The following SENP2 variants were observed in gnomAD, a reference collection of about 807,000 sequenced individuals.
SENP2 encodes the protein sentrin-specific protease 2.
In SENP2, 16 loss-of-function variants were observed where a neutral mutation model predicts 86.3. That is an observed-to-expected ratio of 0.19 (90% CI 0.13 to 0.28). The LOEUF (loss-of-function observed/expected upper bound fraction) is 0.28, where lower values mean the gene tolerates loss of function less well. Ranked by LOEUF, SENP2 falls within the 10% of genes least tolerant of loss-of-function variation. The pLI, the probability that SENP2 is intolerant of heterozygous loss-of-function variation, is 1.00. For missense variants in SENP2, 552 were observed against 703.0 expected, an observed-to-expected ratio of 0.79 and a Z score of 2.43; for synonymous variants, 222 against 238.7, an observed-to-expected ratio of 0.93 and a Z score of 0.64.
At chr3:185,595,331 C>T (rs779956170) in intron 2 of SENP2, among the ~76,000 whole-genome samples, 5 of 152,304 alleles carry the variant, frequency 3.3e-5, no homozygotes, top group Non-Finnish European at 7.3e-5. Context: ...TCTTCTCCTC[C>T]TTAGAAAGTG....
chr3:185,586,480 G>A lies in SENP2; in HGVS notation c.67G>A (p.Ala23Thr), dbSNP rs770806648. The A allele has an allele frequency of 3.7e-6, 6 of 1,613,694 alleles. No homozygotes were observed. Among genetic ancestry groups the A allele is most frequent in the Non-Finnish European group, 4.2e-6 (5 of 1,180,008 alleles). ...FRFCDRSVPPARALLKRRRSD... is the reference protein window; with the variant it reads ...FRFCDRSVPPTRALLKRRRSD... ...TTTCTGCGACCGGTCGGTGCCCCCT[G>A]CCCGGGCCCTCCTGAAGAGGCGGCG... The change falls in exon 1 of 17, where the codon GCC becomes ACC. Residue 23 changes from alanine (A) to threonine (T), a missense_variant. By Grantham distance (58) the Ala-to-Thr change is moderately conservative (BLOSUM62 0). Transcript: ENST00000296257. This position sits in a 1 kb window ranked among gnomAD's most constrained non-coding sequence, Gnocchi z 4.3.
chr3:185,603,648 A>G (rs1284676514), intron 5 of SENP2, among the ~76,000 whole-genome samples: 1 of 152,204 alleles, frequency 6.6e-6, no homozygotes, highest in African/African-American at 2.4e-5. Flanking sequence ...TACTATTGCA[A>G]AAGTTCCTGA....
Position 185,632,245 on chromosome 3 carries a change from T to TG in SENP2, c.*2401_*2402insG, listed in dbSNP as rs1712515683. ...TTTTGTTTTTTTTTTTTGTTTTTTT[T>TG]TTTTTTTTTTGCGACAGAGTCTCTT... is the stretch of plus-strand genomic sequence containing the variant. On this transcript the variant is annotated 3_prime_UTR_variant, in exon 17 of 17. Coordinates refer to ENST00000296257, the MANE Select transcript of SENP2 (RefSeq NM_021627.3). 3.9e-5 allele frequency: 5 copies of TG among 127,612 alleles called. No homozygotes were observed. Among genetic ancestry groups the TG allele is most frequent in the South Asian group, 2.9e-4 (1 of 3,404 alleles). The allele number at this position is 127,612 out of a possible 1,614,324, so 7.9% of individuals were successfully genotyped here. A position where few individuals can be genotyped will look rare whatever the true frequency, so the allele number is the denominator to read the frequency against.
intron 1 of SENP2, among the ~76,000 whole-genome samples, chr3:185,587,716 G>A (rs1577712701): frequency 1.5e-5 from 2 of 136,798 alleles, no homozygotes; most frequent in East Asian, 4.1e-4. Flanking sequence ...ACAGGCGCCC[G>A]CCACCATGCC....
In SENP2 at chr3:185,617,472, T is replaced by C. The variant is rs1711666018; in HGVS notation, c.1111-8T>C. The C allele has an allele frequency of 6.2e-7, 1 of 1,601,006 alleles. No individual in the cohort carries two copies. The highest frequency in any genetic ancestry group is 8.5e-7 in the Non-Finnish European group (1 of 1,173,936). On this transcript the variant is annotated splice_region_variant and splice_polypyrimidine_tract_variant and intron_variant, in intron 11 of 16. Transcript: ENST00000296257. ...TTAAAATAGCAACTTCTGAACTTTC[T>C]AATTCAGGACATGGAAAAGGAAATC...
intron 15 of SENP2, 120 bp from the exon 16 acceptor site, chr3:185,626,178 T>TA (rs1712137198): frequency 1.6e-6 from 1 of 639,426 alleles, no homozygotes; most frequent in Non-Finnish European, 2.7e-6. Context: ...GTTTAGGTAA[T>TA]ACCTGATTTA....
At chr3:185,617,444 A>G (rs772067681) in intron 11 of SENP2, 36 bp from the exon 12 acceptor site, 18 of 1,571,326 alleles carry the variant, frequency 1.1e-5, no homozygotes, top group Non-Finnish European at 1.6e-5. Context: ...GAATGGTTCT[A>G]TATTAAAATA....
Position 185,626,386 on chromosome 3 carries a change from T to G in SENP2, c.1700T>G (p.Phe567Cys). The G allele has an allele frequency of 1.2e-6, 2 of 1,602,678 alleles. No individual in the cohort carries two copies. The highest frequency in any genetic ancestry group is 1.7e-6 in the Non-Finnish European group (2 of 1,170,026). ...ATTTCTAGGGACAAACCTATCACAT[T>G]TACTCAGGTGAGTGAAGACCCTCTT... is the stretch of plus-strand genomic sequence containing the variant. ...DYISRDKPIT[F>C]TQHQMPLFRK... Residue 567 changes from phenylalanine (F) to cysteine (C), a missense_variant, in exon 16 of 17, where the codon TTT becomes TGT. This residue lies in a region of SENP2 where 169 missense variants were observed against 275.7 expected (regional missense o/e 0.61). Coordinates refer to ENST00000296257, the MANE Select transcript of SENP2 (RefSeq NM_021627.3).
At position 185,622,292 on chromosome 3, in the gene SENP2, T is replaced by A. The variant is rs186339228; in HGVS notation, c.1526+387T>A. ...GGTTTATCTCAGAACCCAGGGGCAGTGTTTAAAGTGTGTGGTTTGAGGAGA... is the reference window on the plus strand; with the variant it reads ...GGTTTATCTCAGAACCCAGGGGCAGAGTTTAAAGTGTGTGGTTTGAGGAGA... On this transcript the variant is annotated intron_variant, in intron 14 of 16. Coordinates refer to ENST00000296257, the MANE Select transcript of SENP2 (RefSeq NM_021627.3). Among the ~76,000 whole-genome samples, 612 of 152,312 alleles carry A rather than the reference T, an allele frequency of 4.0e-3. 6 individuals carry two copies. Among genetic ancestry groups the A allele is most frequent in the Non-Finnish European group, 5.7e-3 (391 of 68,016 alleles).
chr3:185,626,452 CAGT>C (rs1712149358), intron 16 of SENP2, 59 bp downstream of exon 16: 2 of 1,128,974 alleles, frequency 1.8e-6, no homozygotes, highest in Admixed American at 1.8e-5. Flanking sequence ...GGCACTTGGC[CAGT>C]GCCTGGCACA....
chr3:185,597,258 GTT>G (rs1227286863), intron 2 of SENP2, among the ~76,000 whole-genome samples: 2 of 152,048 alleles, frequency 1.3e-5, no homozygotes, highest in Admixed American at 6.6e-5. Flanking sequence ...TAAAGTGATG[GTT>G]TTATGTTTTT....
intron 1 of SENP2, among the ~76,000 whole-genome samples, chr3:185,587,915 T>G (rs2148978355): frequency 6.7e-6 from 1 of 149,852 alleles, no homozygotes; most frequent in Non-Finnish European, 1.5e-5. Context: ...TTTTTGTATT[T>G]TTTTTAGTAG....
chr3:185,621,394 T>TC (rs1330751576), intron 13 of SENP2, among the ~76,000 whole-genome samples: 11 of 133,188 alleles, frequency 8.3e-5, no homozygotes, highest in Middle Eastern at 7.2e-3. Context: ...TTCTTTTTTT[T>TC]TTTTTTTTTT....
intron 6 of SENP2, 183 bp downstream of exon 6, chr3:185,606,681 GC>G: frequency 3.4e-6 from 2 of 582,748 alleles, no homozygotes; most frequent in South Asian, 2.4e-5. Flanking sequence ...TGCAGCATGT[GC>G]CCAGGCAGAC....
At position 185,627,083 on chromosome 3, in the gene SENP2, CAA is replaced by C. The variant is rs34406883; in HGVS notation, c.1707+713_1707+714del. ...GGGCAACAGGAGAGAAACCCTGTCT[CAA>C]AAAAAAAAAAAAAAAAAAAAAATAG... On this transcript the variant is annotated intron_variant, in intron 16 of 16. Transcript: ENST00000296257. Among the ~76,000 whole-genome samples the C allele has an allele frequency of 1.4e-3, 109 of 75,540 alleles. No individual in the cohort carries two copies. The East Asian group carries it at 0.018, about 13-fold the overall frequency. The allele number at this position is 75,540 out of a possible 152,430, so 49.6% of individuals were successfully genotyped here.
chr3:185,624,102 A>G lies in SENP2; in HGVS notation c.1611+20A>G, dbSNP rs1312777908. On this transcript the variant is annotated intron_variant, in intron 15 of 16. Coordinates refer to ENST00000296257, the MANE Select transcript of SENP2 (RefSeq NM_021627.3). ...CCACACGTGAGTGACGATCATCTACATGTGACATACTTGGTTGCATTTACT... is the reference window on the plus strand; with the variant it reads ...CCACACGTGAGTGACGATCATCTACGTGTGACATACTTGGTTGCATTTACT... 16 of 1,554,760 alleles carry G rather than the reference A, an allele frequency of 1.0e-5. No individual in the cohort carries two copies. The highest frequency in any genetic ancestry group is 1.0e-4 in the Admixed American group (6 of 58,316).
intron 16 of SENP2, 68 bp from the exon 17 acceptor site, chr3:185,629,714 C>T (rs1400781281): frequency 1.7e-5 from 25 of 1,450,616 alleles, no homozygotes; most frequent in Non-Finnish European, 2.3e-5. Context: ...TACATGATTA[C>T]ACCTGAAGGT....
chr3:185,606,719 A>G (rs1227594697), intron 6 of SENP2: 2 of 541,346 alleles, frequency 3.7e-6, no homozygotes, highest in South Asian at 2.3e-5. Flanking sequence ...TATGAGACCT[A>G]AAGTTCTTAT....
intron 1 of SENP2, among the ~76,000 whole-genome samples, chr3:185,587,195 C>G (rs1721813317): frequency 6.6e-6 from 1 of 152,094 alleles, no homozygotes; most frequent in Admixed American, 6.6e-5. Context: ...TGCAGTGGTG[C>G]GATCTCGGCT....
Sources: allele counts gnomAD v4.1 joint callset (sites outside exome capture counted in the v4.1 genomes callset), GRCh38; gene constraint gnomAD v4.1.1; regional missense constraint gnomAD v4.1.1; non-coding constraint Gnocchi (gnomAD v3.1); transcripts MANE v1.5; gene names NCBI Gene and HGNC (gene_info 2026-07-23, HGNC 2026-07-21).